The following FHIT variants were observed in gnomAD, a reference collection of about 807,000 sequenced individuals.
FHIT encodes fragile histidine triad diadenosine triphosphatase.
Under a neutral mutation model 17.9 loss-of-function variants are expected in FHIT, and 19 were observed. The ratio of observed to expected loss-of-function variants is 1.06; its 90% CI spans 0.74 to 1.56. FHIT has a LOEUF of 1.56. Ranked by LOEUF, FHIT falls within the 40% of genes most tolerant of loss-of-function variation. The pLI is 0.00. For synonymous variants in FHIT, 81 were observed against 69.7 expected, an observed-to-expected ratio of 1.16 and a Z score of -0.81; for missense variants, 248 against 189.2, an observed-to-expected ratio of 1.31 and a Z score of -1.82.
At chr3:59,823,333 T>C (rs2106668134) in intron 8 of FHIT, among the ~76,000 whole-genome samples, 1 of 152,320 alleles carries the variant, frequency 6.6e-6, no homozygotes, top group Admixed American at 6.5e-5. Flanking sequence ...TGAAGAATGA[T>C]GGTGGTATTT....
At chr3:60,624,788 A>G (rs1553680231) in intron 4 of FHIT, among the ~76,000 whole-genome samples, 1 of 152,038 alleles carries the variant, frequency 6.6e-6, no homozygotes, top group Non-Finnish European at 1.5e-5. Flanking sequence ...TCCATGTTGT[A>G]ACATGTATCA....
intron 3 of FHIT, among the ~76,000 whole-genome samples, chr3:60,962,247 T>G (rs1402846480): frequency 6.6e-6 from 1 of 152,220 alleles, no homozygotes; most frequent in Non-Finnish European, 1.5e-5. Flanking sequence ...TATTGGTGTA[T>G]AAGAATGCTT....
At chr3:60,075,100 C>T (rs552368383) in intron 5 of FHIT, among the ~76,000 whole-genome samples, 2 of 152,222 alleles carry the variant, frequency 1.3e-5, no homozygotes, top group African/African-American at 2.4e-5. Flanking sequence ...AGATTTGGAA[C>T]CAAAGTTCCT....
chr3:60,071,966 T>C (rs996983175), intron 5 of FHIT, among the ~76,000 whole-genome samples: 1 of 152,234 alleles, frequency 6.6e-6, no homozygotes, highest in African/African-American at 2.4e-5. Flanking sequence ...ACCATGATTA[T>C]GAGGCTTCCT....
At chr3:60,757,854 T>C (rs1347281479) in intron 4 of FHIT, among the ~76,000 whole-genome samples, 1 of 152,194 alleles carries the variant, frequency 6.6e-6, no homozygotes, top group African/African-American at 2.4e-5. Flanking sequence ...GACACTCGCA[T>C]AGAAGTGGAA....
At chr3:61,125,468 CAT>C (rs1215036558) in intron 2 of FHIT, among the ~76,000 whole-genome samples, 1 of 152,042 alleles carries the variant, frequency 6.6e-6, no homozygotes, top group Non-Finnish European at 1.5e-5. Context: ...AATTGTTCTC[CAT>C]AAAAAGTTCA....
At chr3:60,341,065 G>A (rs1710494197) in intron 5 of FHIT, among the ~76,000 whole-genome samples, 1 of 152,106 alleles carries the variant, frequency 6.6e-6, no homozygotes, top group Non-Finnish European at 1.5e-5. Context: ...ATATTTGGAT[G>A]GCTGACTTTT....
At chr3:60,632,703 C>T (rs1397419467) in intron 4 of FHIT, among the ~76,000 whole-genome samples, 1 of 152,128 alleles carries the variant, frequency 6.6e-6, no homozygotes, top group East Asian at 1.9e-4. Flanking sequence ...TTCTTAGTAT[C>T]TTTATCTTAT....
intron 5 of FHIT, among the ~76,000 whole-genome samples, chr3:60,031,927 G>C (rs1447505397): frequency 6.6e-6 from 1 of 152,128 alleles, no homozygotes; most frequent in Non-Finnish European, 1.5e-5. Context: ...CAGTACCTAT[G>C]AGTTGTGTCA....
At chr3:60,789,546 T>G (rs1553727974) in intron 4 of FHIT, among the ~76,000 whole-genome samples, 1 of 152,016 alleles carries the variant, frequency 6.6e-6, no homozygotes, top group South Asian at 2.1e-4. Context: ...ATACCAAGGT[T>G]AACCTGCCCC....
chr3:60,879,561 C>A (rs1159558911), intron 3 of FHIT, among the ~76,000 whole-genome samples: 1 of 152,082 alleles, frequency 6.6e-6, no homozygotes, highest in Non-Finnish European at 1.5e-5. Context: ...TCCCTAGTAA[C>A]AAACCCTAAT....
chr3:61,028,122 T>C (rs765121566), intron 3 of FHIT, among the ~76,000 whole-genome samples: 7 of 152,334 alleles, frequency 4.6e-5, no homozygotes, highest in East Asian at 3.9e-4. Context: ...AATTAGATCA[T>C]TGTATTTAAA....
intron 5 of FHIT, among the ~76,000 whole-genome samples, chr3:60,075,542 A>G (rs2736762): frequency 0.65 from 98,648 of 151,414 alleles, 32,994 homozygotes; most frequent in Middle Eastern, 0.76. Context: ...ATGAGTTTGG[A>G]AATCAGTAGA....
chr3:61,003,587 A>T (rs1373362448), intron 3 of FHIT, among the ~76,000 whole-genome samples: 3 of 152,254 alleles, frequency 2.0e-5, no homozygotes, highest in Admixed American at 2.0e-4. Context: ...TCCAGTGCTT[A>T]TCATTAATTA....
At chr3:60,536,630 C>T (rs2035989922) in intron 5 of FHIT, 5 of 411,140 alleles carry the variant, frequency 1.2e-5, no homozygotes, top group East Asian at 7.4e-5. Flanking sequence ...TGCTAAGCAA[C>T]TCTCCTCAGA....
chr3:60,689,286 G>A (rs556309292), intron 4 of FHIT, among the ~76,000 whole-genome samples: 1 of 152,036 alleles, frequency 6.6e-6, no homozygotes, highest in Non-Finnish European at 1.5e-5. Context: ...TCTCAGGTAT[G>A]TCTTTATCAG....
At chr3:60,328,555 G>A (rs1003915563) in intron 5 of FHIT, among the ~76,000 whole-genome samples, 2 of 152,258 alleles carry the variant, frequency 1.3e-5, no homozygotes, top group African/African-American at 4.8e-5. Context: ...CTGCCCCCAT[G>A]ATTCAATTAC....
chr3:61,013,180 A>ATG (rs2031895570), intron 3 of FHIT, among the ~76,000 whole-genome samples: 1 of 152,122 alleles, frequency 6.6e-6, no homozygotes, highest in African/African-American at 2.4e-5. Flanking sequence ...AGAAAGAAGA[A>ATG]AAAAAGGAGC....
At chr3:59,893,292 G>C (rs1703932355) in intron 8 of FHIT, among the ~76,000 whole-genome samples, 1 of 152,188 alleles carries the variant, frequency 6.6e-6, no homozygotes, top group African/African-American at 2.4e-5. Context: ...CCATCTACCA[G>C]TAGTTCAATA....
Sources: gnomAD v4.1 joint callset for allele counts (sites outside exome capture counted in the v4.1 genomes callset) on GRCh38, gnomAD v4.1.1 for gene constraint, MANE v1.5 for transcripts, NCBI Gene and HGNC (gene_info 2026-07-23, HGNC 2026-07-21) for gene names.